Variants in CMSS1 observed in about 807,000 individuals in gnomAD.
CMSS1 encodes the protein protein CMSS1.
A neutral mutation model predicts 43.5 loss-of-function variants in CMSS1; 33 were observed. The ratio of observed to expected loss-of-function variants is 0.76; its 90% confidence interval spans 0.57 to 1.01. The LOEUF is 1.01. Among genes scored for constraint, CMSS1 ranks in the 50% least tolerant of loss-of-function variants. The probability of loss-of-function intolerance (pLI) is 0.00; values close to 1 mark genes in which losing one functional copy is unlikely to be tolerated. For synonymous variants in CMSS1, 115 were observed against 117.2 expected, an observed-to-expected ratio of 0.98 and a Z score of 0.12; for missense variants, 313 against 326.4, an observed-to-expected ratio of 0.96 and a Z score of 0.32.
rs757152824 is a variant in CMSS1 at position 100,171,842 on chromosome 3, G to A, written c.522G>A (p.Ser174=). ...TTCACCTGCTTCTTTTCATTAGGTCGATGACAGCATTCAGAGGAGACGGCA... is the reference window on the plus strand; with the variant it reads ...TTCACCTGCTTCTTTTCATTAGGTCAATGACAGCATTCAGAGGAGACGGCA... ...SAVRALELIR[S]MTAFRGDGKV... The change falls in exon 7 of 10, where the codon TCG becomes TCA. Residue 174 remains serine (S), a synonymous_variant. Transcript: ENST00000421999. 15 of 1,613,626 alleles carry A rather than the reference G, an allele frequency of 9.3e-6. No homozygotes were observed. The highest frequency in any genetic ancestry group is 6.7e-5 in the African/African-American group (5 of 74,906).
chr3:99,865,833 C>T (rs991404015), intron 1 of CMSS1, among the ~76,000 whole-genome samples: 8 of 151,408 alleles, frequency 5.3e-5, no homozygotes, highest in Admixed American at 4.6e-4. Context: ...TTTTTTATTG[C>T]TCACAATCCA....
intron 1 of CMSS1, among the ~76,000 whole-genome samples, chr3:100,036,350 G>A (rs972058581): frequency 2.6e-5 from 4 of 152,176 alleles, no homozygotes; most frequent in Admixed American, 6.5e-5. Context: ...TTCATGCCAC[G>A]ATGTTAGGAA....
intron 6 of CMSS1, among the ~76,000 whole-genome samples, chr3:100,168,118 CTAAGGAGATGACAA>C (rs2067079977): frequency 6.6e-6 from 1 of 152,136 alleles, no homozygotes. Context: ...GAAAGCTTCT[CTAAGGAGATGACAA>C]TTTGATCAGA....
intron 1 of CMSS1, among the ~76,000 whole-genome samples, chr3:99,891,000 C>A (rs1425600929): frequency 5.3e-5 from 8 of 151,798 alleles, no homozygotes; most frequent in African/African-American, 1.9e-4. Flanking sequence ...AGCCTAAAAT[C>A]TTTTTAAACT....
At chr3:99,912,141 T>C (rs1198158188) in intron 1 of CMSS1, among the ~76,000 whole-genome samples, 1 of 152,206 alleles carries the variant, frequency 6.6e-6, no homozygotes, top group Non-Finnish European at 1.5e-5. Context: ...CATACTGACC[T>C]TTTTGGTTTT....
At chr3:99,965,707 A>G (rs1052671272) in intron 1 of CMSS1, among the ~76,000 whole-genome samples, 1 of 152,208 alleles carries the variant, frequency 6.6e-6, no homozygotes, top group Non-Finnish European at 1.5e-5. Context: ...ATCCTGTGGA[A>G]CATGGGCTTA....
chr3:100,161,027 A>G (rs2067018770), intron 3 of CMSS1, among the ~76,000 whole-genome samples: 1 of 152,234 alleles, frequency 6.6e-6, no homozygotes, highest in Non-Finnish European at 1.5e-5. Flanking sequence ...TGGTGAGCAC[A>G]GGAAAGACTC....
chr3:100,132,410 GAATA>G (rs950559333), intron 1 of CMSS1, among the ~76,000 whole-genome samples: 15 of 151,742 alleles, frequency 9.9e-5, no homozygotes, highest in Admixed American at 9.8e-4. Context: ...CTCTAAAAAT[GAATA>G]AATAAATAAT....
chr3:100,032,595 C>T (rs1255437444), intron 1 of CMSS1, among the ~76,000 whole-genome samples: 1 of 152,046 alleles, frequency 6.6e-6, no homozygotes, highest in Non-Finnish European at 1.5e-5. Context: ...ATCACAAGAA[C>T]ACATAAAAAT....
intron 1 of CMSS1, among the ~76,000 whole-genome samples, chr3:99,877,778 A>T (rs1199511645): frequency 6.6e-6 from 1 of 152,178 alleles, no homozygotes; most frequent in South Asian, 2.1e-4. Flanking sequence ...TTTATTACAA[A>T]TGAGATTAAA....
At chr3:100,131,909 T>A (rs923098759) in intron 1 of CMSS1, among the ~76,000 whole-genome samples, 1 of 152,216 alleles carries the variant, frequency 6.6e-6, no homozygotes, top group African/African-American at 2.4e-5. Context: ...AGCCCCACAT[T>A]ATACTCAACA....
intron 1 of CMSS1, among the ~76,000 whole-genome samples, chr3:99,884,092 G>GT (rs1193233828): frequency 2.0e-5 from 3 of 152,170 alleles, no homozygotes; most frequent in Admixed American, 1.3e-4. Context: ...AGATTATCTA[G>GT]TTAGCAGCCC....
At chr3:100,096,119 G>A (rs968925914) in intron 1 of CMSS1, among the ~76,000 whole-genome samples, 2 of 152,084 alleles carry the variant, frequency 1.3e-5, no homozygotes, top group South Asian at 4.2e-4. Context: ...AACACAGGCT[G>A]GAAAGGATGT....
At chr3:100,162,078 A>G (rs1190359483) in intron 3 of CMSS1, among the ~76,000 whole-genome samples, 1 of 152,242 alleles carries the variant, frequency 6.6e-6, no homozygotes, top group Non-Finnish European at 1.5e-5. Context: ...GTCATAGACC[A>G]AGAGTTACAG....
chr3:100,010,795 T>TC (rs1366307322), intron 1 of CMSS1, among the ~76,000 whole-genome samples: 1 of 146,948 alleles, frequency 6.8e-6, no homozygotes, highest in Non-Finnish European at 1.5e-5. Flanking sequence ...TTTTTTTTTT[T>TC]TTTTGTATTT....
chr3:99,988,380 G>A (rs1461026473), intron 1 of CMSS1, among the ~76,000 whole-genome samples: 8 of 149,960 alleles, frequency 5.3e-5, no homozygotes, highest in Non-Finnish European at 8.9e-5. Context: ...AGGCATGGTG[G>A]CATGTGCCTG....
intron 1 of CMSS1, among the ~76,000 whole-genome samples, chr3:99,873,210 T>A (rs1705327216): frequency 6.6e-6 from 1 of 152,248 alleles, no homozygotes; most frequent in Non-Finnish European, 1.5e-5. Flanking sequence ...CATCTTTAAA[T>A]CCTTATTTAA....
chr3:99,968,317 T>C (rs1390988495), intron 1 of CMSS1, among the ~76,000 whole-genome samples: 1 of 152,062 alleles, frequency 6.6e-6, no homozygotes, highest in African/African-American at 2.4e-5. Context: ...GCCTAAATTG[T>C]ACTTAGGGGT....
intron 1 of CMSS1, among the ~76,000 whole-genome samples, chr3:99,950,855 A>C (rs1424170923): frequency 1.3e-5 from 2 of 150,098 alleles, no homozygotes; most frequent in Non-Finnish European, 2.9e-5. Context: ...AGTAAAAATA[A>C]AGAGAGAGAG....
Sources: gnomAD v4.1 joint callset for allele counts (sites outside exome capture counted in the v4.1 genomes callset) on GRCh38, gnomAD v4.1.1 for gene constraint, MANE v1.5 for transcripts, NCBI Gene and HGNC (gene_info 2026-07-23, HGNC 2026-07-21) for gene names.